DCDC1: variants seen among roughly 807,000 people sequenced by gnomAD.
DCDC1 encodes the protein doublecortin domain containing 1.
Under a neutral mutation model 178.3 loss-of-function variants are expected in DCDC1, and 200 were observed. The ratio of observed to expected loss-of-function variants is 1.12; its 90% confidence interval spans 1.00 to 1.26. DCDC1 has a LOEUF of 1.26. Among genes scored for constraint, DCDC1 ranks in the 50% most tolerant of loss-of-function variants. DCDC1 has a pLI of 0.00. For missense variants in DCDC1, 1,983 were observed against 1,749.2 expected (o/e 1.13, Z -2.38); for synonymous variants, 690 against 604.8 (o/e 1.14, Z -2.07).
chr11:30,933,029 G>A (rs909835072), intron 21 of DCDC1, among the ~76,000 whole-genome samples: 6 of 151,794 alleles, frequency 4.0e-5, no homozygotes, highest in African/African-American at 1.5e-4. Context: ...CATTGCTCTG[G>A]CAGCATCTCC....
chr11:31,300,609 C>T (rs766455421), intron 6 of DCDC1, among the ~76,000 whole-genome samples: 3 of 151,692 alleles, frequency 2.0e-5, no homozygotes, highest in Non-Finnish European at 4.4e-5. Context: ...AACAATAATG[C>T]ATTTCTCACA....
At chr11:30,973,663 T>G (rs1949937309) in intron 20 of DCDC1, among the ~76,000 whole-genome samples, 1 of 152,200 alleles carries the variant, frequency 6.6e-6, no homozygotes, top group Non-Finnish European at 1.5e-5. Context: ...AAAGTCATTA[T>G]ATAATGATAA....
At chr11:31,247,599 C>T (rs1565492930) in intron 8 of DCDC1, among the ~76,000 whole-genome samples, 1 of 151,956 alleles carries the variant, frequency 6.6e-6, no homozygotes, top group Admixed American at 6.6e-5. Flanking sequence ...CATACGCTTA[C>T]TGATTCTGAA....
intron 36 of DCDC1, among the ~76,000 whole-genome samples, chr11:30,887,334 A>T (rs1420899240): frequency 6.6e-6 from 1 of 152,226 alleles, no homozygotes; most frequent in Non-Finnish European, 1.5e-5. Flanking sequence ...TAAGGGGAAG[A>T]TAAGATATCT....
chr11:31,140,875 T>A (rs766684907), intron 9 of DCDC1, among the ~76,000 whole-genome samples: 3 of 152,208 alleles, frequency 2.0e-5, no homozygotes, highest in Non-Finnish European at 4.4e-5. Flanking sequence ...TACTAAGGTG[T>A]CAGGCACTGT....
At chr11:31,272,770 C>T (rs565950885) in intron 7 of DCDC1, among the ~76,000 whole-genome samples, 120 of 152,318 alleles carry the variant, frequency 7.9e-4, no homozygotes, top group Non-Finnish European at 1.4e-3. Context: ...AGGGCACAGC[C>T]GCTGCTTTCA....
intron 1 of DCDC1, among the ~76,000 whole-genome samples, chr11:31,341,436 T>C (rs1035483877): frequency 2.0e-4 from 24 of 121,514 alleles, no homozygotes; most frequent in East Asian, 8.3e-4. Flanking sequence ...GATAGATAGA[T>C]AGACATGTGT....
At chr11:30,898,756 T>C (rs1944429113) in intron 34 of DCDC1, among the ~76,000 whole-genome samples, 1 of 152,192 alleles carries the variant, frequency 6.6e-6, no homozygotes, top group South Asian at 2.1e-4. Context: ...CACAGTTAAG[T>C]CTAATGCAGT....
intron 20 of DCDC1, among the ~76,000 whole-genome samples, chr11:31,015,557 G>C (rs1952439655): frequency 1.3e-5 from 2 of 152,050 alleles, no homozygotes; most frequent in South Asian, 4.1e-4. Flanking sequence ...ACATTTATGA[G>C]TTTTATCTAT....
At chr11:31,132,039 A>T (rs982741347) in intron 10 of DCDC1, among the ~76,000 whole-genome samples, 3 of 152,190 alleles carry the variant, frequency 2.0e-5, no homozygotes, top group African/African-American at 7.2e-5. Flanking sequence ...TCCGGCATAG[A>T]TTTTTGGTTG....
chr11:31,243,346 T>C (rs1371749764), intron 8 of DCDC1, among the ~76,000 whole-genome samples: 1 of 151,750 alleles, frequency 6.6e-6, no homozygotes, highest in Non-Finnish European at 1.5e-5. Context: ...ACACCTTTAA[T>C]TGGTATACTC....
intron 11 of DCDC1, among the ~76,000 whole-genome samples, chr11:31,127,064 T>G (rs1254623410): frequency 6.6e-6 from 1 of 152,228 alleles, no homozygotes; most frequent in African/African-American, 2.4e-5. Context: ...ATCAGTCACC[T>G]GGCCTTTCAC....
intron 30 of DCDC1, among the ~76,000 whole-genome samples, chr11:30,906,005 AG>A (rs1441119519): frequency 6.6e-6 from 1 of 152,142 alleles, no homozygotes; most frequent in East Asian, 1.9e-4. Context: ...GTTGAAAGGG[AG>A]GGTTTTTTAA....
At chr11:31,322,080 T>C (rs560708412) in intron 3 of DCDC1, among the ~76,000 whole-genome samples, 1 of 152,354 alleles carries the variant, frequency 6.6e-6, no homozygotes, top group African/African-American at 2.4e-5. Flanking sequence ...GTTTTGCATA[T>C]TGCCATGTTT....
intron 20 of DCDC1, among the ~76,000 whole-genome samples, chr11:30,975,435 C>T (rs1483984155): frequency 6.6e-6 from 1 of 151,920 alleles, no homozygotes; most frequent in East Asian, 1.9e-4. Context: ...CAAACTGTCC[C>T]TCTTTGCAGA....
At chr11:31,096,301 T>C (rs944067803) in intron 15 of DCDC1, among the ~76,000 whole-genome samples, 3 of 152,230 alleles carry the variant, frequency 2.0e-5, no homozygotes, top group Non-Finnish European at 4.4e-5. Context: ...AACTACATTG[T>C]ACTAATCCAT....
intron 9 of DCDC1, among the ~76,000 whole-genome samples, chr11:31,176,439 C>T (rs552291115): frequency 1.3e-4 from 20 of 152,054 alleles, no homozygotes; most frequent in African/African-American, 4.8e-4. Flanking sequence ...TATAGGAATA[C>T]CAGTGGGAAA....
chr11:30,998,991 T>C (rs1463198916), intron 20 of DCDC1, among the ~76,000 whole-genome samples: 1 of 152,218 alleles, frequency 6.6e-6, no homozygotes, highest in East Asian at 1.9e-4. Context: ...ACTTCTGTGG[T>C]ATTTTCCTCC....
intron 17 of DCDC1, among the ~76,000 whole-genome samples, chr11:31,086,172 T>G (rs955986432): frequency 6.6e-6 from 1 of 152,224 alleles, no homozygotes. Flanking sequence ...AAGTATCAAC[T>G]GTTTTCCAAA....
Sources: gnomAD v4.1 joint callset for allele counts (sites outside exome capture counted in the v4.1 genomes callset) on GRCh38, gnomAD v4.1.1 for gene constraint, MANE v1.5 for transcripts, NCBI Gene and HGNC (gene_info 2026-07-23, HGNC 2026-07-21) for gene names.